Variants in SMAD1 observed in about 807,000 individuals in gnomAD.
SMAD1 encodes the protein MAD, mothers against decapentaplegic homolog 1.
Under a neutral mutation model 41.6 loss-of-function variants are expected in SMAD1, and 6 were observed. The observed-to-expected ratio is 0.14, with a 90% confidence interval of 0.08 to 0.28. The LOEUF (loss-of-function observed/expected upper bound fraction) is 0.28, where lower values mean the gene tolerates loss of function less well. Ranked by LOEUF, SMAD1 falls within the 10% of genes least tolerant of loss-of-function variation. The probability of loss-of-function intolerance (pLI) is 1.00; values close to 1 mark genes in which losing one functional copy is unlikely to be tolerated. For missense variants in SMAD1, 379 were observed against 582.6 expected (o/e 0.65, Z 3.60); for synonymous variants, 206 against 203.2 (o/e 1.01, Z -0.12).
In SMAD1 at chr4:145,514,580, A is replaced by T. The variant is rs765191188; in HGVS notation, c.-34A>T. On this transcript the variant is annotated 5_prime_UTR_variant, in exon 2 of 7. Coordinates refer to ENST00000302085, the MANE Select transcript of SMAD1 (RefSeq NM_005900.3). The surrounding 1 kb of genome is among the most constrained non-coding windows in gnomAD (Gnocchi z 4.7). ...TTGCATTTGGAGACAGCTTTATTTC[A>T]CCATATCCAAGGAGTATAACTAGTG... 6.5e-7 allele frequency: 1 copy of T among 1,528,494 alleles called. No homozygotes were observed. Among genetic ancestry groups the T allele is most frequent in the Non-Finnish European group, 8.8e-7 (1 of 1,138,960 alleles). 94.7% of individuals were successfully genotyped at this position (1,528,494 alleles called of 1,614,324 possible).
chr4:145,558,013 G>A lies in SMAD1; in HGVS notation c.*79G>A, dbSNP rs1732943664. On this transcript the variant is annotated 3_prime_UTR_variant, in exon 7 of 7. Transcript: ENST00000302085. ...GGATGGATGAGTCAGACACGATTGA[G>A]AACTGACAAAGGAGCCTTGATAATA... 1.9e-6 allele frequency: 2 copies of A among 1,047,038 alleles called. No individual in the cohort carries two copies. The highest frequency in any genetic ancestry group is 1.3e-6 in the Non-Finnish European group (1 of 769,286). The allele number at this position is 1,047,038 out of a possible 1,614,324, so 64.9% of individuals were successfully genotyped here.
intron 4 of SMAD1, chr4:145,546,426 G>A (rs1000735747): frequency 9.4e-6 from 4 of 426,822 alleles, no homozygotes; most frequent in Non-Finnish European, 1.3e-5. Context: ...TTAATATTCA[G>A]CAAAAGTTTT....
At chr4:145,495,326 T>C (rs1729011968) in intron 1 of SMAD1, among the ~76,000 whole-genome samples, 2 of 152,166 alleles carry the variant, frequency 1.3e-5, no homozygotes, top group Non-Finnish European at 2.9e-5. Flanking sequence ...CTTCCCACTT[T>C]CCTTACCCCT....
intron 1 of SMAD1, among the ~76,000 whole-genome samples, chr4:145,503,543 G>T (rs1475133739): frequency 1.3e-5 from 2 of 152,116 alleles, no homozygotes; most frequent in Non-Finnish European, 2.9e-5. Flanking sequence ...ACTCATTTGA[G>T]ATTGAGACAA....
At chr4:145,528,248 C>T (rs1355780272) in intron 2 of SMAD1, among the ~76,000 whole-genome samples, 5 of 151,814 alleles carry the variant, frequency 3.3e-5, no homozygotes, top group South Asian at 2.1e-4. Context: ...GGATTACAGG[C>T]GCCCGCCACT....
intron 2 of SMAD1, among the ~76,000 whole-genome samples, chr4:145,538,065 C>A (rs971561871): frequency 1.3e-5 from 2 of 152,100 alleles, no homozygotes; most frequent in African/African-American, 2.4e-5. Flanking sequence ...AATGTTTCCC[C>A]CTTTTAAGGG....
chr4:145,554,198 CAATT>C (rs1313919042), intron 6 of SMAD1, among the ~76,000 whole-genome samples, 158 bp downstream of exon 6: 1 of 146,254 alleles, frequency 6.8e-6, no homozygotes, highest in Admixed American at 7.0e-5. Flanking sequence ...ACAAAAATTT[CAATT>C]ATTAGGAAAA....
chr4:145,508,527 T>C (rs1209451339), intron 1 of SMAD1, among the ~76,000 whole-genome samples: 2 of 152,178 alleles, frequency 1.3e-5, no homozygotes, highest in African/African-American at 4.8e-5. Context: ...GGTTAATAGA[T>C]AAACAGCAGT....
intron 1 of SMAD1, among the ~76,000 whole-genome samples, chr4:145,500,339 C>G (rs1299944807): frequency 6.6e-6 from 1 of 152,178 alleles, no homozygotes. Context: ...GGGTCCCGCA[C>G]ATACCTTCCC....
chr4:145,489,769 T>C (rs1177060349), intron 1 of SMAD1, among the ~76,000 whole-genome samples: 2 of 152,208 alleles, frequency 1.3e-5, no homozygotes, highest in African/African-American at 2.4e-5. Context: ...TTAGACTCTC[T>C]GCAGTCATCT....
Position 145,556,376 on chromosome 4 carries a change from A to G in SMAD1, c.1255-1415A>G, listed in dbSNP as rs556472137. ...TATATTTACAAATGCATGAGTGTAC[A>G]TACATCTATGTAGATATATATATAT... On this transcript the variant is annotated intron_variant, in intron 6 of 6. Transcript: ENST00000302085. Among the ~76,000 whole-genome samples, 119 of 152,288 alleles carry G rather than the reference A, an allele frequency of 7.8e-4. 1 individual carries two copies. The highest frequency in any genetic ancestry group is 2.7e-3 in the African/African-American group (111 of 41,560).
chr4:145,488,974 T>C (rs1578732844), intron 1 of SMAD1, among the ~76,000 whole-genome samples: 1 of 152,218 alleles, frequency 6.6e-6, no homozygotes, highest in East Asian at 1.9e-4. Flanking sequence ...AGGGACATTA[T>C]AGACAGAGTA....
intron 2 of SMAD1, among the ~76,000 whole-genome samples, chr4:145,515,904 G>A (rs947945489): frequency 3.9e-5 from 6 of 152,116 alleles, no homozygotes; most frequent in Admixed American, 6.6e-5. Flanking sequence ...TTTCTAACAA[G>A]TACTTCAGGT....
intron 6 of SMAD1, among the ~76,000 whole-genome samples, chr4:145,557,209 G>A (rs988662443): frequency 6.6e-6 from 1 of 152,166 alleles, no homozygotes; most frequent in Non-Finnish European, 1.5e-5. Flanking sequence ...ATTCTGCCAA[G>A]CTACCTTCTT....
At chr4:145,537,602 C>T (rs1370063855) in intron 2 of SMAD1, among the ~76,000 whole-genome samples, 1 of 152,020 alleles carries the variant, frequency 6.6e-6, no homozygotes, top group Non-Finnish European at 1.5e-5. Flanking sequence ...TATTTAGCAG[C>T]AGAAGATAAA....
At chr4:145,487,086 C>A (rs1728514212) in intron 1 of SMAD1, among the ~76,000 whole-genome samples, 1 of 152,104 alleles carries the variant, frequency 6.6e-6, no homozygotes, top group African/African-American at 2.4e-5. Context: ...AAAATTGATT[C>A]TTTTTCATTC....
intron 4 of SMAD1, among the ~76,000 whole-genome samples, chr4:145,542,931 T>C (rs1732034149): frequency 6.6e-6 from 1 of 152,208 alleles, no homozygotes; most frequent in Non-Finnish European, 1.5e-5. Context: ...GTTATCTGTT[T>C]AGATCTTTAA....
intron 2 of SMAD1, among the ~76,000 whole-genome samples, chr4:145,520,215 T>C (rs1396219471): frequency 1.3e-5 from 2 of 152,186 alleles, no homozygotes; most frequent in African/African-American, 4.8e-5. Flanking sequence ...CACAACTGGG[T>C]ATATGTCCAA....
rs967153145 is a variant in SMAD1 at position 145,559,095 on chromosome 4, G to A, written c.*1161G>A. On this transcript the variant is annotated 3_prime_UTR_variant, in exon 7 of 7. Transcript: ENST00000302085. ...ATTCACTTATGCTCTCGTACATTGA[G>A]TACTTTTATTCCAAAACTAGTGGGT... 7.2e-5 allele frequency among the ~76,000 whole-genome samples: 11 copies of A among 152,114 alleles called. No homozygotes were observed. Among genetic ancestry groups the A allele is most frequent in the African/African-American group, 2.4e-4 (10 of 41,488 alleles).
Sources: gnomAD v4.1 joint callset for allele counts (sites outside exome capture counted in the v4.1 genomes callset) on GRCh38, gnomAD v4.1.1 for gene constraint, Gnocchi (gnomAD v3.1) non-coding constraint, MANE v1.5 for transcripts, NCBI Gene and HGNC (gene_info 2026-07-23, HGNC 2026-07-21) for gene names.